Variants in NPAS2 observed in about 807,000 individuals in gnomAD.
NPAS2 encodes neuronal PAS domain protein 2.
NPAS2 carries 23 observed loss-of-function variants against 107.5 expected under a neutral mutation model. That is an observed-to-expected ratio of 0.21 (90% CI 0.15 to 0.30). The LOEUF is 0.30. NPAS2 is among the 10% of genes least tolerant of loss of function. The probability of loss-of-function intolerance (pLI) is 1.00; values close to 1 mark genes in which losing one functional copy is unlikely to be tolerated. For synonymous variants in NPAS2, 403 were observed against 417.5 expected (o/e 0.97, Z 0.42); for missense variants, 756 against 1,043.3 (o/e 0.72, Z 3.79).
chr2:100,948,114 G>T (rs527657174), intron 5 of NPAS2, 121 bp from the exon 6 acceptor site: 2 of 1,078,952 alleles, frequency 1.9e-6, no homozygotes, highest in South Asian at 1.4e-5. Context: ...CAGAAAATCA[G>T]ATATTGAACT....
chr2:100,988,988 C>A, intron 17 of NPAS2: 1 of 236,596 alleles, frequency 4.2e-6, no homozygotes, highest in Admixed American at 6.1e-5. Context: ...CCCTGCTCCT[C>A]CAGGCCCCCA....
rs941237041 is a variant in NPAS2, at chr2:100,886,791, C to T, written c.-22-17942C>T. The stretch of plus-strand genomic sequence containing the variant: ...GAATTCATGAACAAAGGCCAAGGGA[C>T]AGGAGAAAGAGAGAAAGGAGGAAGA... On this transcript the variant is annotated intron_variant, in intron 1 of 20. Coordinates refer to ENST00000335681, the MANE Select transcript of NPAS2 (RefSeq NM_002518.4). Among the ~76,000 whole-genome samples, 4 of 152,102 alleles carry T rather than the reference C, an allele frequency of 2.6e-5. No individual in the cohort carries two copies. In the South Asian group the frequency reaches 8.3e-4, roughly 32 times the overall value.
chr2:100,911,938 C>A (rs1195512014), intron 2 of NPAS2, among the ~76,000 whole-genome samples: 1 of 152,178 alleles, frequency 6.6e-6, no homozygotes, highest in African/African-American at 2.4e-5. Flanking sequence ...GGCTTCCAGT[C>A]AGTTTTAATA....
intron 7 of NPAS2, among the ~76,000 whole-genome samples, chr2:100,961,535 A>G (rs751909647): frequency 2.6e-5 from 4 of 152,238 alleles, no homozygotes; most frequent in Non-Finnish European, 4.4e-5. Context: ...TGCAGGCTAC[A>G]AACAATAATG....
intron 8 of NPAS2, among the ~76,000 whole-genome samples, chr2:100,964,582 G>A (rs974329874): frequency 6.6e-6 from 1 of 152,172 alleles, no homozygotes; most frequent in African/African-American, 2.4e-5. Flanking sequence ...TTCAGATTCC[G>A]ATGAAAAGCC....
At chr2:100,850,208 T>C (rs1561003) in intron 1 of NPAS2, among the ~76,000 whole-genome samples, 8,968 of 152,176 alleles carry the variant, frequency 0.059, 910 homozygotes, top group African/African-American at 0.2. Context: ...CAGAAAAGAA[T>C]TAACATCTTC....
At chr2:100,882,562 G>T (rs1014808300) in intron 1 of NPAS2, among the ~76,000 whole-genome samples, 1 of 152,210 alleles carries the variant, frequency 6.6e-6, no homozygotes, top group African/African-American at 2.4e-5. Context: ...GCAGTGAGCC[G>T]AGATCGCACC....
chr2:100,863,569 A>G (rs1042815672), intron 1 of NPAS2, among the ~76,000 whole-genome samples: 1 of 152,172 alleles, frequency 6.6e-6, no homozygotes, highest in Admixed American at 6.5e-5. Flanking sequence ...GGGGAATTAT[A>G]TCTAATGGGT....
intron 1 of NPAS2, among the ~76,000 whole-genome samples, chr2:100,848,812 C>T (rs866796505): frequency 6.6e-5 from 10 of 152,190 alleles, no homozygotes; most frequent in Admixed American, 2.6e-4. Flanking sequence ...ACTCTCTCTA[C>T]GTAATTTTAG....
Position 100,975,503 on chromosome 2 carries a change from C to A in NPAS2, c.1328C>A (p.Pro443Gln), listed in dbSNP as rs769562382. The change falls in exon 14 of 21, where the codon CCA becomes CAA. Residue 443 changes from proline to glutamine, a missense_variant. By Grantham distance (76) the Pro-to-Gln change is moderately conservative. Around this residue, in one of 4 missense-constraint regions of NPAS2, gnomAD observed 496 missense variants for 594.4 expected, o/e 0.83. Transcript: ENST00000335681. Reference sequence around the variant, plus strand: ...GCAGAGGCCAGCACCCCGGCTTTGCCAAGATCAGCCACCCTGCCCCAAGAG... The same window carrying A: ...GCAGAGGCCAGCACCCCGGCTTTGCAAAGATCAGCCACCCTGCCCCAAGAG... The part of the protein sequence containing the change: ...LMAEASTPAL[P>Q]RSATLPQELP... The A allele has an allele frequency of 3.3e-5, 54 of 1,613,524 alleles. No individual in the cohort carries two copies. Among genetic ancestry groups the A allele is most frequent in the Non-Finnish European group, 4.6e-5 (54 of 1,179,786 alleles).
At chr2:100,905,859 G>A (rs1050398441) in intron 2 of NPAS2, among the ~76,000 whole-genome samples, 5 of 152,164 alleles carry the variant, frequency 3.3e-5, no homozygotes, top group Admixed American at 6.5e-5. Context: ...CAGGGCAGCT[G>A]TCGTTCCATG....
At position 100,968,316 on chromosome 2, in the gene NPAS2, C is replaced by T; in HGVS notation, c.943C>T (p.Arg315Trp). ...QFGKGKSCCY[R>W]FLTKGQQWIW... ...TGGCAAAGGGAAGTCGTGTTGCTACCGGTTTCTGACCAAAGGTCAGCAGTG... is the reference window on the plus strand; with the variant it reads ...TGGCAAAGGGAAGTCGTGTTGCTACTGGTTTCTGACCAAAGGTCAGCAGTG... Residue 315 changes from arginine (R) to tryptophan (W), a missense_variant, in exon 11 of 21, where the codon CGG becomes TGG. Physicochemically the swap from Arg to Trp is moderately radical, Grantham distance 101. Around this residue, in one of 4 missense-constraint regions of NPAS2, gnomAD observed 84 missense variants for 175.5 expected, o/e 0.48. Transcript: ENST00000335681. This position sits in a 1 kb window ranked among gnomAD's most constrained non-coding sequence, Gnocchi z 5.3. 1 of 1,614,078 alleles carries T rather than the reference C, an allele frequency of 6.2e-7. No homozygotes were observed. Among genetic ancestry groups the T allele is most frequent in the Non-Finnish European group, 8.5e-7 (1 of 1,180,018 alleles).
At chr2:100,928,757 G>A (rs1023744568) in intron 3 of NPAS2, among the ~76,000 whole-genome samples, 2 of 152,174 alleles carry the variant, frequency 1.3e-5, no homozygotes, top group African/African-American at 2.4e-5. Context: ...TCCTTTACTT[G>A]CAGTCCAAAT....
At chr2:100,849,253 G>T (rs1677992686) in intron 1 of NPAS2, among the ~76,000 whole-genome samples, 1 of 152,178 alleles carries the variant, frequency 6.6e-6, no homozygotes, top group South Asian at 2.1e-4. Context: ...GTTCTGTTTA[G>T]CTGAGTGGGT....
intron 5 of NPAS2, among the ~76,000 whole-genome samples, chr2:100,946,645 T>C (rs1402615479): frequency 3.3e-5 from 5 of 152,232 alleles, no homozygotes; most frequent in African/African-American, 4.8e-5. Flanking sequence ...CAAGGGACAG[T>C]TGTGACTTGA....
chr2:100,886,453 G>A (rs1047352440), intron 1 of NPAS2, among the ~76,000 whole-genome samples: 2 of 152,226 alleles, frequency 1.3e-5, no homozygotes, highest in Admixed American at 1.3e-4. Flanking sequence ...TTATTTAAAT[G>A]TAGAAGCATT....
chr2:100,953,450 T>C (rs969307030), intron 7 of NPAS2, among the ~76,000 whole-genome samples: 1 of 151,290 alleles, frequency 6.6e-6, no homozygotes, highest in African/African-American at 2.4e-5. Context: ...GAGATATGCT[T>C]TAATATAAGA....
At chr2:100,977,602 CTGT>C in intron 14 of NPAS2, 105 bp from the exon 15 acceptor site, 1 of 869,810 alleles carries the variant, frequency 1.1e-6, no homozygotes, top group East Asian at 2.5e-5. Flanking sequence ...TGACTTGGAG[CTGT>C]TCACCCCAGT....
At chr2:100,969,732 T>A (rs575043181) in intron 11 of NPAS2, among the ~76,000 whole-genome samples, 9 of 152,266 alleles carry the variant, frequency 5.9e-5, no homozygotes, top group Admixed American at 2.0e-4. Context: ...ACCATACACC[T>A]TGGCTATACC....
Sources: gnomAD v4.1 joint callset for allele counts (sites outside exome capture counted in the v4.1 genomes callset) on GRCh38, gnomAD v4.1.1 for gene constraint, gnomAD v4.1.1 regional missense constraint, Gnocchi (gnomAD v3.1) non-coding constraint, MANE v1.5 for transcripts, NCBI Gene and HGNC (gene_info 2026-07-23, HGNC 2026-07-21) for gene names.